The following UPP2 variants were observed in gnomAD, a reference collection of about 807,000 sequenced individuals.
The protein encoded by UPP2 is uridine phosphorylase 2, also known as UPase 2.
In UPP2, 23 loss-of-function variants were observed where a neutral mutation model predicts 26.7. The ratio of observed to expected loss-of-function variants is 0.86; its 90% CI spans 0.62 to 1.22. The LOEUF (loss-of-function observed/expected upper bound fraction) is 1.22. Among genes scored for constraint, UPP2 ranks in the 50% most tolerant of loss-of-function variants. The pLI is 0.00. For synonymous variants in UPP2, 127 were observed against 141.3 expected (o/e 0.90, Z 0.72); for missense variants, 387 against 396.7 (o/e 0.98, Z 0.21).
At chr2:158,010,253 C>A (rs1196377175) in intron 2 of UPP2, among the ~76,000 whole-genome samples, 1 of 152,188 alleles carries the variant, frequency 6.6e-6, no homozygotes, top group Non-Finnish European at 1.5e-5. Flanking sequence ...AATTATGTAT[C>A]ACTTTCCCAA....
chr2:158,005,041 A>C (rs740553), intron 2 of UPP2, among the ~76,000 whole-genome samples: 7,449 of 152,240 alleles, frequency 0.049, 258 homozygotes, highest in East Asian at 0.2. Context: ...AATCTTATCA[A>C]CCAGTGCCTA....
rs11385969 is a variant in UPP2 at position 158,022,457 on chromosome 2, C to CAAA, written c.147+6588_147+6590dup. Among the ~76,000 whole-genome samples, 38 of 87,840 alleles carry CAAA rather than the reference C, an allele frequency of 4.3e-4. 1 individual carries two copies. The highest frequency in any genetic ancestry group is 7.1e-4 in the Non-Finnish European group (28 of 39,252). The allele number at this position is 87,840 out of a possible 152,430, so 57.6% of individuals were successfully genotyped here. ...CCAGGGAACAGAGTGAGACTTGTCT[C>CAAA]AAAAAAAAAAAAAAAAAAAGTTCCA... is the stretch of plus-strand genomic sequence containing the variant. On this transcript the variant is annotated intron_variant, in intron 3 of 9. Transcript: ENST00000605860.
intron 2 of UPP2, among the ~76,000 whole-genome samples, chr2:158,015,330 C>A (rs1683640887): frequency 6.6e-6 from 1 of 152,174 alleles, no homozygotes; most frequent in African/African-American, 2.4e-5. Flanking sequence ...TGGAATCATA[C>A]AGTATTGATC....
At chr2:158,003,049 G>A (rs1391478868) in intron 2 of UPP2, among the ~76,000 whole-genome samples, 1 of 152,178 alleles carries the variant, frequency 6.6e-6, no homozygotes, top group East Asian at 1.9e-4. Context: ...TAAGTTTGAT[G>A]CAGTCTCAAA....
At chr2:158,025,019 T>C (rs1683811951) in intron 3 of UPP2, among the ~76,000 whole-genome samples, 1 of 151,866 alleles carries the variant, frequency 6.6e-6, no homozygotes, top group African/African-American at 2.4e-5. Flanking sequence ...CTGGACAACA[T>C]GGTGAAACCC....
chr2:158,033,731 GT>G (rs1683960027), intron 3 of UPP2, among the ~76,000 whole-genome samples: 1 of 152,158 alleles, frequency 6.6e-6, no homozygotes, highest in East Asian at 1.9e-4. Context: ...AGTAGTTTCT[GT>G]TATTAGCCTA....
At chr2:158,080,232 AT>A (rs1682701526) in intron 3 of UPP2, among the ~76,000 whole-genome samples, 1 of 152,116 alleles carries the variant, frequency 6.6e-6, no homozygotes, top group Non-Finnish European at 1.5e-5. Context: ...TATTTAATAT[AT>A]ATTTTCTTAT....
rs573961357 is a variant in UPP2 at position 158,082,543 on chromosome 2, T to C, written c.148-19497T>C. ...GAAACTGGACCCCTTCCTTACACCT[T>C]ATACAAAAATTAACTTAAGATGGAT... is the stretch of plus-strand genomic sequence containing the variant. On this transcript the variant is annotated intron_variant, in intron 3 of 9. Transcript: ENST00000605860. 3.9e-5 allele frequency among the ~76,000 whole-genome samples: 6 copies of C among 152,220 alleles called. No individual in the cohort carries two copies. The South Asian group carries it at 8.3e-4, about 21-fold the overall frequency.
At chr2:158,032,204 A>G (rs1020227354) in intron 3 of UPP2, among the ~76,000 whole-genome samples, 3 of 152,212 alleles carry the variant, frequency 2.0e-5, no homozygotes, top group African/African-American at 7.2e-5. Flanking sequence ...ATTTTGGCTT[A>G]GTAGAAATAA....
In UPP2 at chr2:158,031,231, T is replaced by C. The variant is rs377637625; in HGVS notation, c.147+15345T>C. ...TCATTAGTTGTAGACTTTAGGTTCA[T>C]AGATTTTGGAGTAGGAAGTAAAGTG... On this transcript the variant is annotated intron_variant, in intron 3 of 9. Coordinates refer to the UPP2 transcript ENST00000605860. 2.6e-4 allele frequency among the ~76,000 whole-genome samples: 40 copies of C among 152,260 alleles called. No homozygotes were observed. In the South Asian group the frequency reaches 7.9e-3, roughly 30 times the overall value.
In UPP2 at chr2:158,074,726, C is replaced by CACACACAG. The variant is rs1177483314; in HGVS notation, c.148-27313_148-27312insCACACAGA. Among the ~76,000 whole-genome samples the CACACACAG allele has an allele frequency of 4.0e-5, 6 of 150,448 alleles. No homozygotes were observed. In the South Asian group the frequency reaches 8.4e-4, roughly 21 times the overall value. On this transcript the variant is annotated intron_variant, in intron 3 of 9. Coordinates refer to the UPP2 transcript ENST00000605860. ...ACACACACACACACACACACACACA[C>CACACACAG]AGAAAAATAACAAAGAGGCAGTAGT...
chr2:158,054,980 C>A (rs1454166456), intron 3 of UPP2, among the ~76,000 whole-genome samples: 1 of 152,206 alleles, frequency 6.6e-6, no homozygotes, highest in African/African-American at 2.4e-5. Context: ...TCCCTAGCCC[C>A]TGACAACCAC....
At chr2:158,002,910 T>C (rs1683430708) in intron 2 of UPP2, among the ~76,000 whole-genome samples, 2 of 152,190 alleles carry the variant, frequency 1.3e-5, no homozygotes, top group Admixed American at 1.3e-4. Context: ...CAATTTTTTT[T>C]TTTCCTTTTT....
intron 2 of UPP2, among the ~76,000 whole-genome samples, chr2:157,995,850 A>G (rs1456128650): frequency 6.6e-6 from 1 of 151,924 alleles, no homozygotes; most frequent in African/African-American, 2.4e-5. Flanking sequence ...CATTTAAATG[A>G]TTTCCTGTGT....
At chr2:158,118,411 T>C (rs1683488521) in intron 4 of UPP2, among the ~76,000 whole-genome samples, 1 of 152,004 alleles carries the variant, frequency 6.6e-6, no homozygotes, top group Admixed American at 6.6e-5. Context: ...CTGTATCTTT[T>C]CCTCATCAGT....
At chr2:158,123,638 G>A (rs980199529) in intron 5 of UPP2, 111 bp from the exon 6 acceptor site, 18 of 1,294,454 alleles carry the variant, frequency 1.4e-5, no homozygotes, top group African/African-American at 1.0e-4. Context: ...CGGGGAGCAC[G>A]CTGTAGAGTT....
intron 3 of UPP2, among the ~76,000 whole-genome samples, chr2:158,052,462 T>C (rs1241167733): frequency 6.6e-6 from 1 of 152,164 alleles, no homozygotes; most frequent in Non-Finnish European, 1.5e-5. Flanking sequence ...AAGGAGTCAG[T>C]TATTATTCCT....
intron 2 of UPP2, among the ~76,000 whole-genome samples, chr2:158,107,679 G>T (rs972921155): frequency 7.9e-5 from 12 of 152,098 alleles, no homozygotes; most frequent in Admixed American, 3.3e-4. Context: ...AAAAAGATGG[G>T]AAAATGAGAA....
In UPP2 at chr2:158,058,042, T is replaced by C. The variant is rs148422344; in HGVS notation, c.147+42156T>C. Among the ~76,000 whole-genome samples, 1,161 of 152,170 alleles carry C rather than the reference T, an allele frequency of 7.6e-3. 9 individuals are homozygous for C. Among genetic ancestry groups the C allele is most frequent in the Middle Eastern group, 0.034 (10 of 292 alleles). ...GCGCAGTGGCTCACTCCTGTAATCC[T>C]AGCACTTTTGGGAGGCCAAGGCGGG... On this transcript the variant is annotated intron_variant, in intron 3 of 9. Coordinates refer to the UPP2 transcript ENST00000605860.
Sources: gnomAD v4.1 joint callset for allele counts (sites outside exome capture counted in the v4.1 genomes callset) on GRCh38, gnomAD v4.1.1 for gene constraint, MANE v1.5 for transcripts, NCBI Gene and HGNC (gene_info 2026-07-23, HGNC 2026-07-21) for gene names.